The following SNX8 variants were observed in gnomAD, a reference collection of about 807,000 sequenced individuals.
SNX8 encodes the protein sorting nexin-8.
SNX8 carries 25 observed loss-of-function variants against 51.6 expected under a neutral mutation model. That is an observed-to-expected ratio of 0.48 (90% CI 0.35 to 0.68). The LOEUF (loss-of-function observed/expected upper bound fraction) is 0.68, where lower values mean the gene tolerates loss of function less well. Ranked by LOEUF, SNX8 falls within the 30% of genes least tolerant of loss-of-function variation. The pLI is 0.00. For synonymous variants in SNX8, 324 were observed against 277.0 expected, an observed-to-expected ratio of 1.17 and a Z score of -1.68; for missense variants, 695 against 624.0, an observed-to-expected ratio of 1.11 and a Z score of -1.21.
At chr7:2,308,780 ATTTT>A (rs755533735) in intron 1 of SNX8, among the ~76,000 whole-genome samples, 2 of 136,042 alleles carry the variant, frequency 1.5e-5, no homozygotes, top group Non-Finnish European at 1.6e-5. Flanking sequence ...AAATGAACAA[ATTTT>A]TTTTTTTTTT....
chr7:2,310,056 C>T, intron 1 of SNX8: 1 of 362,468 alleles, frequency 2.8e-6, no homozygotes. Context: ...GACTCACCCT[C>T]GTTCTAAAGA....
At chr7:2,343,874 C>CCAGGCACAGTGGTG (rs201171006) in intron 1 of SNX8, among the ~76,000 whole-genome samples, 5 of 151,486 alleles carry the variant, frequency 3.3e-5, no homozygotes, top group South Asian at 2.1e-4. Flanking sequence ...ACAAAATTAG[C>CCAGGCACAGTGGTG]CAGGCACAGT....
intron 1 of SNX8, among the ~76,000 whole-genome samples, chr7:2,325,465 TGG>T (rs1315605766): frequency 6.6e-6 from 1 of 152,146 alleles, no homozygotes; most frequent in African/African-American, 2.4e-5. Flanking sequence ...GATGCCTAAA[TGG>T]TCACAAACAG....
intron 4 of SNX8, among the ~76,000 whole-genome samples, chr7:2,270,065 C>T (rs967602992): frequency 6.6e-6 from 1 of 152,078 alleles, no homozygotes; most frequent in Non-Finnish European, 1.5e-5. Flanking sequence ...AAGTGTCTTC[C>T]TTCCTGGGAA....
rs1211766742 is a variant in SNX8, at chr7:2,307,675, C to T, written c.94+6653G>A. ...AAAAAAAAAGGTGACAGTGACAATG[C>T]TGGAGACCGACAGCCAGGCTCTCCA... is the stretch of plus-strand genomic sequence containing the variant. On this transcript the variant is annotated intron_variant, in intron 1 of 10. Coordinates refer to ENST00000222990, the MANE Select transcript of SNX8 (RefSeq NM_013321.4). 4 of 145,780 alleles carry T rather than the reference C, an allele frequency of 2.7e-5. 1 individual carries two copies. The highest frequency in any genetic ancestry group is 1.0e-4 in the African/African-American group (4 of 39,984). The allele number at this position is 145,780 out of a possible 1,614,324, so 9.0% of individuals were successfully genotyped here. A position where few individuals can be genotyped will look rare whatever the true frequency, so the allele number is the denominator to read the frequency against.
chr7:2,262,602 T>C (rs1020841938), intron 7 of SNX8, among the ~76,000 whole-genome samples: 20 of 152,202 alleles, frequency 1.3e-4, no homozygotes, highest in African/African-American at 4.8e-4. Context: ...AAGTGGGAAC[T>C]ATCTGGTCCA....
At chr7:2,302,243 C>G (rs1033893295) in intron 1 of SNX8, among the ~76,000 whole-genome samples, 1 of 152,258 alleles carries the variant, frequency 6.6e-6, no homozygotes, top group East Asian at 1.9e-4. Context: ...CCTGCGATTG[C>G]AGGCTCGCGC....
At chr7:2,294,821 G>A (rs1476432586) in intron 1 of SNX8, among the ~76,000 whole-genome samples, 1 of 152,042 alleles carries the variant, frequency 6.6e-6, no homozygotes, top group Non-Finnish European at 1.5e-5. Flanking sequence ...GATCACTTGA[G>A]CCAGGAGCTG....
chr7:2,263,688 C>G (rs991620709), intron 6 of SNX8, among the ~76,000 whole-genome samples: 2 of 152,116 alleles, frequency 1.3e-5, no homozygotes, highest in African/African-American at 4.8e-5. Flanking sequence ...GCTGCCAGCC[C>G]ATGGTCTGTT....
chr7:2,277,806 C>G, intron 2 of SNX8, among the ~76,000 whole-genome samples: 1 of 129,390 alleles, frequency 7.7e-6, no homozygotes, highest in Non-Finnish European at 1.8e-5. Flanking sequence ...GACTCCACAT[C>G]GGGGAAAAAA....
chr7:2,336,331 C>T (rs1010117453), intron 1 of SNX8, among the ~76,000 whole-genome samples: 6 of 151,996 alleles, frequency 3.9e-5, no homozygotes, highest in South Asian at 2.1e-4. Flanking sequence ...AACTGGGTGG[C>T]GGAGTTTGCA....
At chr7:2,314,103 A>G (rs956279813) in intron 1 of SNX8, among the ~76,000 whole-genome samples, 34 of 152,142 alleles carry the variant, frequency 2.2e-4, no homozygotes, top group African/African-American at 8.0e-4. Context: ...GCAGGAGGGC[A>G]GGGGACCCCG....
At position 2,340,576 on chromosome 7, in the gene SNX8, G is replaced by A. The variant is rs1778901869; in HGVS notation, c.-66+13646C>T. ...TTTAGTTGTCAAACTCTAAAACTAG[G>A]CCAGGTGCGGTGGCTCACGCCTGTA... On this transcript the variant is annotated intron_variant, in intron 1 of 5. Coordinates refer to the SNX8 transcript ENST00000435336. Among the ~76,000 whole-genome samples the A allele has an allele frequency of 2.0e-5, 3 of 151,538 alleles. No homozygotes were observed. The South Asian group carries it at 6.3e-4, about 32-fold the overall frequency.
intron 1 of SNX8, among the ~76,000 whole-genome samples, chr7:2,306,211 A>G (rs1381947938): frequency 1.3e-5 from 2 of 152,010 alleles, no homozygotes; most frequent in South Asian, 4.1e-4. Flanking sequence ...GCGCGATCTC[A>G]GCTCACTGCA....
At chr7:2,303,881 C>G (rs2115190553) in intron 1 of SNX8, among the ~76,000 whole-genome samples, 1 of 151,956 alleles carries the variant, frequency 6.6e-6, no homozygotes, top group South Asian at 2.1e-4. Context: ...TATCTGCCGA[C>G]CTTCCCTCCA....
At chr7:2,266,359 T>C (rs1795463579) in intron 5 of SNX8, among the ~76,000 whole-genome samples, 1 of 149,484 alleles carries the variant, frequency 6.7e-6, no homozygotes, top group South Asian at 2.1e-4. Context: ...TAATTTTTTT[T>C]TTCTTTTTTT....
intron 1 of SNX8, among the ~76,000 whole-genome samples, chr7:2,313,537 AAAG>A (rs1226794859): frequency 6.6e-6 from 1 of 150,998 alleles, no homozygotes. Context: ...AAAAAAAAAA[AAAG>A]AAAAGAAAAG....
chr7:2,335,616 C>T (rs892603847), intron 1 of SNX8, among the ~76,000 whole-genome samples: 2 of 151,938 alleles, frequency 1.3e-5, no homozygotes, highest in African/African-American at 2.4e-5. Context: ...TCCTGGTTAA[C>T]ACGGTGAAAC....
At chr7:2,305,938 C>T (rs1391987894) in intron 1 of SNX8, among the ~76,000 whole-genome samples, 1 of 151,956 alleles carries the variant, frequency 6.6e-6, no homozygotes, top group Non-Finnish European at 1.5e-5. Context: ...ATAAAGACAG[C>T]GGCACCCTGG....
Sources: gnomAD v4.1 joint callset for allele counts (sites outside exome capture counted in the v4.1 genomes callset) on GRCh38, gnomAD v4.1.1 for gene constraint, MANE v1.5 for transcripts, NCBI Gene and HGNC (gene_info 2026-07-23, HGNC 2026-07-21) for gene names.